The following HERC3 variants were observed in gnomAD, a reference collection of about 807,000 sequenced individuals.
The protein encoded by HERC3 is probable E3 ubiquitin-protein ligase HERC3.
Under a neutral mutation model 129.9 loss-of-function variants are expected in HERC3, and 58 were observed. The ratio of observed to expected loss-of-function variants is 0.45; its 90% CI spans 0.36 to 0.56. The LOEUF is 0.56. Among genes scored for constraint, HERC3 ranks in the 20% least tolerant of loss-of-function variants. HERC3 has a pLI of 0.00. For missense variants in HERC3, 835 were observed against 1,244.2 expected (o/e 0.67, Z 4.95); for synonymous variants, 430 against 451.0 (o/e 0.95, Z 0.59).
the HERC3 span, among the ~76,000 whole-genome samples, chr4:88,533,027 A>C: frequency 6.6e-6 from 1 of 152,248 alleles, no homozygotes; most frequent in African/African-American, 2.4e-5. Flanking sequence ...CAAGGAAGCC[A>C]GTCTGAGTCC....
At chr4:88,538,680 A>C in the HERC3 span, among the ~76,000 whole-genome samples, 1 of 151,626 alleles carries the variant, frequency 6.6e-6, no homozygotes, top group East Asian at 1.9e-4. Flanking sequence ...AGTAGCTGGG[A>C]CTACAGGTGC....
chr4:88,641,492 A>G (rs760701636), intron 3 of HERC3, among the ~76,000 whole-genome samples: 1 of 152,224 alleles, frequency 6.6e-6, no homozygotes, highest in African/African-American at 2.4e-5. Flanking sequence ...TAGAAGAACA[A>G]TAGAGAAAAT....
intron 23 of HERC3, chr4:88,690,132 T>C: frequency 1.0e-6 from 1 of 985,432 alleles, no homozygotes; most frequent in African/African-American, 1.7e-5. Flanking sequence ...CAAGTAAGAA[T>C]GTTGCAATCA....
the HERC3 span, among the ~76,000 whole-genome samples, chr4:88,585,918 T>C: frequency 6.6e-6 from 1 of 152,212 alleles, no homozygotes; most frequent in Non-Finnish European, 1.5e-5. Flanking sequence ...GAAAGATTTT[T>C]TAAAAATTAC....
At chr4:88,527,947 G>A in the HERC3 span, 3 of 271,216 alleles carry the variant, frequency 1.1e-5, no homozygotes, top group Admixed American at 4.0e-5. Flanking sequence ...CTGCTGTGGC[G>A]TAAATGGCAT....
At chr4:88,630,048 T>C (rs1416942381) in intron 3 of HERC3, among the ~76,000 whole-genome samples, 2 of 152,188 alleles carry the variant, frequency 1.3e-5, no homozygotes, top group African/African-American at 4.8e-5. Flanking sequence ...AGTGAATAAG[T>C]ATAGCATGTG....
chr4:88,529,787 G>A, the HERC3 span, among the ~76,000 whole-genome samples: 2 of 151,992 alleles, frequency 1.3e-5, no homozygotes, highest in Admixed American at 1.3e-4. Context: ...TCTTTAGCTG[G>A]TTGAAATATT....
chr4:88,654,349 CAT>C (rs869126362), intron 7 of HERC3, among the ~76,000 whole-genome samples: 22,115 of 68,784 alleles, frequency 0.32, 2,415 homozygotes, highest in Admixed American at 0.41. Context: ...GTAGATTTTT[CAT>C]ATATATATAT....
rs1245206237 is a variant in HERC3 at position 88,707,470 on chromosome 4, C to A, written c.*510C>A. On this transcript the variant is annotated 3_prime_UTR_variant, in exon 26 of 26. Coordinates refer to ENST00000402738, the MANE Select transcript of HERC3 (RefSeq NM_014606.3). ...CTGGCTTGTTGCAGCCCTCCTTTAACCCAAAGGAGGAAAGGACTGCTTCAG... is the reference window on the plus strand; with the variant it reads ...CTGGCTTGTTGCAGCCCTCCTTTAAACCAAAGGAGGAAAGGACTGCTTCAG... 1 of 153,242 alleles carries A rather than the reference C, an allele frequency of 6.5e-6. No homozygotes were observed. Among genetic ancestry groups the A allele is most frequent in the Non-Finnish European group, 1.5e-5 (1 of 68,628 alleles). The allele number at this position is 153,242 out of a possible 1,614,324, so 9.5% of individuals were successfully genotyped here.
intron 16 of HERC3, among the ~76,000 whole-genome samples, chr4:88,675,814 G>A (rs1479175299): frequency 6.6e-6 from 1 of 151,920 alleles, no homozygotes; most frequent in African/African-American, 2.4e-5. Context: ...ATGTGTGTGT[G>A]TGTGTAGGAA....
intron 13 of HERC3, 52 bp from the exon 14 acceptor site, chr4:88,667,840 A>T: frequency 7.5e-7 from 1 of 1,326,344 alleles, no homozygotes; most frequent in Non-Finnish European, 1.1e-6. Flanking sequence ...AGAGAAAGTT[A>T]ACTAGATCTC....
intron 3 of HERC3, among the ~76,000 whole-genome samples, chr4:88,642,990 C>T (rs1019104212): frequency 1.3e-5 from 2 of 151,936 alleles, no homozygotes; most frequent in Non-Finnish European, 2.9e-5. Flanking sequence ...AGAAAAAATT[C>T]TTTCTATTAA....
chr4:88,686,619 C>T, intron 21 of HERC3, 117 bp from the exon 22 acceptor site: 1 of 655,178 alleles, frequency 1.5e-6, no homozygotes, highest in South Asian at 1.9e-5. Context: ...ATGTTTATTC[C>T]AGAATCTTCT....
At chr4:88,613,898 G>A (rs1042814165) in intron 3 of HERC3, among the ~76,000 whole-genome samples, 1 of 152,138 alleles carries the variant, frequency 6.6e-6, no homozygotes. Flanking sequence ...TTCTGGTTCA[G>A]AGGTCTAAGG....
intron 21 of HERC3, among the ~76,000 whole-genome samples, chr4:88,684,607 G>T (rs1490280701): frequency 6.6e-6 from 1 of 152,150 alleles, no homozygotes; most frequent in Non-Finnish European, 1.5e-5. Flanking sequence ...GGCAACAAAA[G>T]CCAAAATTGA....
At chr4:88,525,680 A>G in the HERC3 span, among the ~76,000 whole-genome samples, 1 of 152,228 alleles carries the variant, frequency 6.6e-6, no homozygotes, top group Non-Finnish European at 1.5e-5. Context: ...ATAACACCAG[A>G]AATCAACAAC....
the HERC3 span, among the ~76,000 whole-genome samples, chr4:88,530,948 C>G: frequency 1.3e-5 from 2 of 152,106 alleles, no homozygotes; most frequent in Non-Finnish European, 2.9e-5. Flanking sequence ...CTCCCAGGTT[C>G]AAGTGATTCT....
At chr4:88,666,620 T>A (rs1441016133) in intron 12 of HERC3, among the ~76,000 whole-genome samples, 1 of 152,228 alleles carries the variant, frequency 6.6e-6, no homozygotes, top group Non-Finnish European at 1.5e-5. Flanking sequence ...ATGTGTCCAT[T>A]ACTCAAAAAC....
intron 3 of HERC3, among the ~76,000 whole-genome samples, chr4:88,607,563 C>G (rs971853907): frequency 6.6e-6 from 1 of 152,098 alleles, no homozygotes; most frequent in South Asian, 2.1e-4. Flanking sequence ...TCCCAGGCTG[C>G]AGATATCCTC....
Sources: gnomAD v4.1 joint callset for allele counts (sites outside exome capture counted in the v4.1 genomes callset) on GRCh38, gnomAD v4.1.1 for gene constraint, MANE v1.5 for transcripts, NCBI Gene and HGNC (gene_info 2026-07-23, HGNC 2026-07-21) for gene names.